QRFPR: variants seen among roughly 807,000 people sequenced by gnomAD.
QRFPR encodes the protein pyroglutamylated RFamide peptide receptor, also known as pyroglutamylated RF-amide peptide receptor.
In QRFPR, 37 loss-of-function variants were observed where a neutral mutation model predicts 31.3. The observed-to-expected ratio is 1.18, with a 90% CI of 0.91 to 1.56. The LOEUF is 1.56. Among genes scored for constraint, QRFPR ranks in the 40% most tolerant of loss-of-function variants. The pLI is 0.00. For missense variants in QRFPR, 542 were observed against 532.5 expected (o/e 1.02, Z -0.18); for synonymous variants, 197 against 192.0 (o/e 1.03, Z -0.22).
In QRFPR at chr4:121,369,728, G is replaced by A. The variant is rs1726196447; in HGVS notation, c.340+10580C>T. On this transcript the variant is annotated intron_variant, in intron 1 of 5. Transcript: ENST00000394427. ...CTTATCCCCACTTCCAGAGTCCATG[G>A]TGCTAGGATTTGGGCCAGGTAAGGC... 3.1e-6 allele frequency: 5 copies of A among 1,601,510 alleles called. No individual in the cohort carries two copies. In the East Asian group the frequency reaches 1.1e-4, roughly 36 times the overall value.
intron 1 of QRFPR, among the ~76,000 whole-genome samples, chr4:121,361,430 G>C (rs549452560): frequency 6.7e-6 from 1 of 150,124 alleles, no homozygotes; most frequent in South Asian, 2.1e-4. Flanking sequence ...ACGCAGCCAT[G>C]GTCTATTTGC....
intron 4 of QRFPR, among the ~76,000 whole-genome samples, chr4:121,330,888 T>A (rs541147215): frequency 2.6e-5 from 4 of 152,288 alleles, no homozygotes; most frequent in Non-Finnish European, 5.9e-5. Flanking sequence ...ATTTAGGAAG[T>A]CTAACTTCTG....
intron 1 of QRFPR, among the ~76,000 whole-genome samples, chr4:121,376,132 G>T (rs1726347713): frequency 6.6e-6 from 1 of 152,148 alleles, no homozygotes; most frequent in African/African-American, 2.4e-5. Flanking sequence ...TTTCCTAAAG[G>T]AAAGGGCCAT....
chr4:121,372,992 C>T (rs1164755097), intron 1 of QRFPR, among the ~76,000 whole-genome samples: 1 of 152,136 alleles, frequency 6.6e-6, no homozygotes, highest in East Asian at 1.9e-4. Context: ...CTGTTGAAGA[C>T]CTTAATCCAG....
chr4:121,380,550 G>A lies in QRFPR; in HGVS notation c.98C>T (p.Pro33Leu). ...EQFIALYRLRPLVYTPELPGR... is the reference protein window; with the variant it reads ...EQFIALYRLRLLVYTPELPGR... ...CGGCAGCTCTGGGGTGTAGACGAGC[G>A]GTCGCAGCCGGTACAGAGCGATGAA... Residue 33 changes from proline (P) to leucine (L), a missense_variant, in exon 1 of 6, where the codon CCG (proline) becomes CTG (leucine). Physicochemically the swap from Pro to Leu is moderately conservative, Grantham distance 98. Coordinates refer to ENST00000394427, the MANE Select transcript of QRFPR (RefSeq NM_198179.3). The A allele has an allele frequency of 6.2e-7, 1 of 1,610,544 alleles. No individual in the cohort carries two copies. Among genetic ancestry groups the A allele is most frequent in the Non-Finnish European group, 8.5e-7 (1 of 1,178,520 alleles).
In QRFPR at chr4:121,329,380, G is replaced by A. The variant is rs753363838; in HGVS notation, c.1230C>T (p.Leu410=). The change falls in exon 6 of 6, where the codon CTC becomes CTT. Residue 410 remains leucine, a synonymous_variant. Transcript: ENST00000394427. ...LCEQTEEKKK[L]KRHLALFRSE... ...ACCTAAAGAGAGCAAGATGTCGTTT[G>A]AGCTTTTTCTTCTCCTCTGTCTGTT... The A allele has an allele frequency of 1.2e-6, 2 of 1,614,070 alleles. No homozygotes were observed. Among genetic ancestry groups the A allele is most frequent in the East Asian group, 4.5e-5 (2 of 44,868 alleles).
intron 2 of QRFPR, among the ~76,000 whole-genome samples, chr4:121,337,936 G>A (rs1725465020): frequency 6.6e-6 from 1 of 152,170 alleles, no homozygotes; most frequent in Admixed American, 6.5e-5. Flanking sequence ...TGATTTGGGG[G>A]AAAAGTTTCC....
At chr4:121,349,356 G>A (rs1443232922) in intron 1 of QRFPR, among the ~76,000 whole-genome samples, 1 of 151,930 alleles carries the variant, frequency 6.6e-6, no homozygotes, top group Non-Finnish European at 1.5e-5. Flanking sequence ...GGAATTCCTG[G>A]ATTGATCCTC....
intron 1 of QRFPR, 84 bp downstream of exon 1, chr4:121,380,197 GAGAGAGAGAGAGAGAGAGAGAGAGAGA>G (rs1726452395): frequency 1.2e-4 from 52 of 440,446 alleles, no homozygotes; most frequent in Non-Finnish European, 1.8e-4. Flanking sequence ...GAGAGAGAGA[GAGAGAGAGAGAGAGAGAGAGAGAGAGA>G]GAGAGAGAGA....
In QRFPR at chr4:121,329,686, G is replaced by T; in HGVS notation, c.924C>A (p.Val308=). ...CGATAGCAAAAATCATCTTGATTGT[G>T]ACATCATCATATTCCTTTTCAAAAT... ...YSNFEKEYDD[V]TIKMIFAIVQ... The change falls in exon 6 of 6, where the codon GTC becomes GTA. Residue 308 remains valine, a synonymous_variant. Transcript: ENST00000394427. 1 of 1,563,434 alleles carries T rather than the reference G, an allele frequency of 6.4e-7. No individual in the cohort carries two copies. The highest frequency in any genetic ancestry group is 1.2e-5 in the South Asian group (1 of 82,334).
chr4:121,351,704 T>C (rs1342718937), intron 1 of QRFPR, among the ~76,000 whole-genome samples: 2 of 152,104 alleles, frequency 1.3e-5, no homozygotes, highest in African/African-American at 4.8e-5. Context: ...ATTTCTTGAA[T>C]GTGATGGTAA....
At chr4:121,341,074 A>G (rs1725535863) in intron 1 of QRFPR, among the ~76,000 whole-genome samples, 1 of 152,208 alleles carries the variant, frequency 6.6e-6, no homozygotes, top group Non-Finnish European at 1.5e-5. Flanking sequence ...CTCCCTGCCT[A>G]AGACTTTATA....
chr4:121,328,763 AT>A lies in QRFPR; in HGVS notation c.*550del, dbSNP rs1026958683. Reference sequence around the variant, plus strand: ...TATGGTTTACGAATTTTTCAAAAAAATTTTTTTTGAGACGGGGAGTCTCGCT... The same window carrying A: ...TATGGTTTACGAATTTTTCAAAAAAATTTTTTTGAGACGGGGAGTCTCGCT... On this transcript the variant is annotated 3_prime_UTR_variant, in exon 6 of 6. Transcript: ENST00000394427. Among the ~76,000 whole-genome samples the A allele has an allele frequency of 6.6e-6, 1 of 151,958 alleles. No homozygotes were observed. Among genetic ancestry groups the A allele is most frequent in the Non-Finnish European group, 1.5e-5 (1 of 67,948 alleles).
intron 2 of QRFPR, among the ~76,000 whole-genome samples, chr4:121,337,727 A>G (rs1259580643): frequency 6.6e-6 from 1 of 152,158 alleles, no homozygotes; most frequent in East Asian, 1.9e-4. Context: ...ATAATAATAA[A>G]AAAAAAAGAA....
At chr4:121,379,780 G>A (rs1160230819) in intron 1 of QRFPR, among the ~76,000 whole-genome samples, 1 of 152,162 alleles carries the variant, frequency 6.6e-6, no homozygotes, top group Non-Finnish European at 1.5e-5. Context: ...TTTGTTTTAT[G>A]CTCATAGGTA....
intron 1 of QRFPR, among the ~76,000 whole-genome samples, chr4:121,345,547 A>G (rs542088129): frequency 2.0e-5 from 3 of 152,344 alleles, no homozygotes; most frequent in African/African-American, 4.8e-5. Context: ...ACTGTTAACT[A>G]TAAGATTAGA....
At chr4:121,378,407 CTTTTTTTT>C (rs34846492) in intron 1 of QRFPR, among the ~76,000 whole-genome samples, 1 of 100,922 alleles carries the variant, frequency 9.9e-6, no homozygotes, top group Non-Finnish European at 2.0e-5. Flanking sequence ...GCTCACTGCA[CTTTTTTTT>C]TTTTTTTTTT....
intron 1 of QRFPR, among the ~76,000 whole-genome samples, chr4:121,367,801 G>A (rs915026688): frequency 5.4e-5 from 8 of 149,456 alleles, no homozygotes; most frequent in Non-Finnish European, 8.9e-5. Flanking sequence ...GTTTTCCTAA[G>A]TTTACATATT....
chr4:121,373,396 T>C (rs1049895234), intron 1 of QRFPR, among the ~76,000 whole-genome samples: 14 of 152,358 alleles, frequency 9.2e-5, no homozygotes, highest in African/African-American at 3.4e-4. Context: ...CTAGGAAAGA[T>C]CAACCAGAGG....
Sources: allele counts gnomAD v4.1 joint callset (sites outside exome capture counted in the v4.1 genomes callset), GRCh38; gene constraint gnomAD v4.1.1; transcripts MANE v1.5; gene names NCBI Gene and HGNC (gene_info 2026-07-23, HGNC 2026-07-21).